MORN1: variants seen among roughly 807,000 people sequenced by gnomAD.
MORN1 encodes the protein MORN repeat containing 1.
A neutral mutation model predicts 61.9 loss-of-function variants in MORN1; 67 were observed. The observed-to-expected ratio is 1.08, with a 90% CI of 0.89 to 1.33. The LOEUF is 1.33. Ranked by LOEUF, MORN1 falls within the 40% of genes most tolerant of loss-of-function variation. The pLI is 0.00. For synonymous variants in MORN1, 301 were observed against 292.0 expected, an observed-to-expected ratio of 1.03 and a Z score of -0.31; for missense variants, 752 against 691.2, an observed-to-expected ratio of 1.09 and a Z score of -0.99.
In MORN1 at chr1:2,380,748, G is replaced by T. The variant is rs191876100; in HGVS notation, c.537+4230C>A. Among the ~76,000 whole-genome samples, 29 of 152,224 alleles carry T rather than the reference G, an allele frequency of 1.9e-4. No homozygotes were observed. In the East Asian group the frequency reaches 5.2e-3, roughly 27 times the overall value. On this transcript the variant is annotated intron_variant, in intron 6 of 13. Transcript: ENST00000378531. The stretch of plus-strand genomic sequence containing the variant: ...TTAAAACTTCTTTTGTAGAGACAGG[G>T]TCTCCCTGTGTTGCCCAGGCTGGTC...
Position 2,336,717 on chromosome 1 carries a change from C to G in MORN1, c.1170G>C (p.Lys390Asn), listed in dbSNP as rs561543765. The change falls in exon 11 of 14, where the codon AAG becomes AAC. Residue 390 changes from lysine (K) to asparagine (N), a missense_variant and splice_region_variant. Transcript: ENST00000378531. ...CTCCCCGCCCCCCGTGGGCACCCAC[C>G]TTGTGGAGGCTGTCCAGGAACAGGA... ...HPFLFLDSLH[K>N]KAGGRSRGGL... 8 of 1,563,540 alleles carry G rather than the reference C, an allele frequency of 5.1e-6. No individual in the cohort carries two copies. The highest frequency in any genetic ancestry group is 1.9e-5 in the Admixed American group (1 of 53,578).
intron 10 of MORN1, among the ~76,000 whole-genome samples, chr1:2,341,724 C>T (rs957288649): frequency 9.9e-5 from 15 of 151,872 alleles, no homozygotes; most frequent in Non-Finnish European, 1.6e-4. Context: ...AAAGAAAAGG[C>T]TAAAAGTCTG....
chr1:2,378,979 A>C (rs1480690950), intron 6 of MORN1: 1 of 469,352 alleles, frequency 2.1e-6, no homozygotes, highest in African/African-American at 2.0e-5. Flanking sequence ...CGTCAGAAGA[A>C]GCTGTAACAC....
chr1:2,330,277 T>C (rs1054814882), intron 12 of MORN1, among the ~76,000 whole-genome samples: 3 of 152,182 alleles, frequency 2.0e-5, no homozygotes, highest in African/African-American at 4.8e-5. Context: ...CCAACCCCGA[T>C]AGGCCCAGTG....
At chr1:2,390,066 G>C (rs1032205947) in intron 1 of MORN1, 70 bp from the exon 2 acceptor site, 6 of 1,439,120 alleles carry the variant, frequency 4.2e-6, no homozygotes, top group African/African-American at 2.8e-5. Context: ...AGTGCTGAAG[G>C]AGGGAGTGCA....
At chr1:2,322,555 A>G (rs1461971981) in intron 13 of MORN1, 2 of 983,464 alleles carry the variant, frequency 2.0e-6, no homozygotes, top group Admixed American at 1.3e-4. Context: ...CAGCTCCTTT[A>G]GAAAAAAAAA....
intron 12 of MORN1, among the ~76,000 whole-genome samples, chr1:2,331,757 C>A (rs1204303171): frequency 6.6e-6 from 1 of 152,172 alleles, no homozygotes; most frequent in African/African-American, 2.4e-5. Context: ...GCGCGTTTCT[C>A]CCGCATGCGC....
chr1:2,327,841 G>A (rs1641070042), intron 12 of MORN1, among the ~76,000 whole-genome samples: 1 of 152,282 alleles, frequency 6.6e-6, no homozygotes, highest in African/African-American at 2.4e-5. Flanking sequence ...GCCCTGACGG[G>A]TGAGGGCCGC....
Position 2,327,155 on chromosome 1 carries a change from G to C in MORN1, c.1251-3012C>G, listed in dbSNP as rs202146943. On this transcript the variant is annotated intron_variant, in intron 12 of 13. Transcript: ENST00000378531. ...ACAGAAACACAGAGACACAGAAACA[G>C]AAACACACAGACAGAAACAAACACA... Among the ~76,000 whole-genome samples, 14 of 90,582 alleles carry C rather than the reference G, an allele frequency of 1.5e-4. 1 individual carries two copies. The South Asian group carries it at 4.6e-3, about 30-fold the overall frequency. 59.4% of individuals were successfully genotyped at this position (90,582 alleles called of 152,430 possible). A position where few individuals can be genotyped will look rare whatever the true frequency, so the allele number is the denominator to read the frequency against.
intron 8 of MORN1, chr1:2,363,100 T>C (rs906698558): frequency 2.6e-5 from 4 of 152,144 alleles, no homozygotes; most frequent in Admixed American, 6.5e-5. Flanking sequence ...AAAACCTAAG[T>C]GGTCATTTAA....
At chr1:2,342,840 ATATTTTATTT>A (rs768672830) in intron 10 of MORN1, among the ~76,000 whole-genome samples, 10 of 101,996 alleles carry the variant, frequency 9.8e-5, no homozygotes, top group Middle Eastern at 4.5e-3. Flanking sequence ...ATTTTATTTT[ATATTTTATTT>A]TATTTTATTT....
intron 10 of MORN1, among the ~76,000 whole-genome samples, chr1:2,338,364 G>C (rs148528802): frequency 6.6e-6 from 1 of 152,124 alleles, no homozygotes; most frequent in Non-Finnish European, 1.5e-5. Flanking sequence ...ATTTACGTCC[G>C]GGGCAATGGC....
At chr1:2,390,495 C>T (rs966173623) in intron 1 of MORN1, 2 of 985,446 alleles carry the variant, frequency 2.0e-6, no homozygotes, top group Non-Finnish European at 2.4e-6. Flanking sequence ...TTCATCTCCT[C>T]CTAGTTGCTG....
rs1641281011 is a variant in MORN1 at position 2,336,457 on chromosome 1, G to A, written c.1250+12C>T. On this transcript the variant is annotated intron_variant, in intron 12 of 13. Transcript: ENST00000378531. ...CCTCCGAACACCTGCAGGTGGGGTG[G>A]GCTCATCCTACCTGCTGCCTCCAGG... The A allele has an allele frequency of 1.2e-6, 2 of 1,609,472 alleles. No individual in the cohort carries two copies. Among genetic ancestry groups the A allele is most frequent in the Non-Finnish European group, 1.7e-6 (2 of 1,178,070 alleles).
At chr1:2,332,740 C>G in intron 12 of MORN1, 1 of 456,516 alleles carries the variant, frequency 2.2e-6, no homozygotes, top group Non-Finnish European at 4.4e-6. Context: ...CCTTTGTTAG[C>G]TCCTGTTGGG....
In MORN1 at chr1:2,391,464, G is replaced by T; in HGVS notation, c.70C>A (p.Arg24=). The T allele has an allele frequency of 8.0e-7, 1 of 1,255,536 alleles. No individual in the cohort carries two copies. 77.8% of individuals were successfully genotyped at this position (1,255,536 alleles called of 1,614,324 possible). ...PRRDPPRRPP[R]NGYGVYVYPN... is the part of the protein sequence containing the mutation. Reference sequence around the variant, plus strand: ...CGTGGCCCGCAGTCGTTACCGTTCCGGGGCGGCCGCCTAGGCGGGTCCCGA... The same window carrying T: ...CGTGGCCCGCAGTCGTTACCGTTCCTGGGCGGCCGCCTAGGCGGGTCCCGA... The change falls in exon 1 of 14, where the codon CGG becomes AGG. Residue 24 remains arginine (R), a synonymous_variant. Transcript: ENST00000378531.
chr1:2,346,975 C>G (rs944671460), intron 10 of MORN1, among the ~76,000 whole-genome samples: 1 of 152,180 alleles, frequency 6.6e-6, no homozygotes, highest in Non-Finnish European at 1.5e-5. Context: ...TGTGGGTGCT[C>G]CCTTCCTCCT....
At position 2,329,319 on chromosome 1, in the gene MORN1, C is replaced by T. The variant is rs904332362; in HGVS notation, c.1251-5176G>A. Among the ~76,000 whole-genome samples, 4 of 152,344 alleles carry T rather than the reference C, an allele frequency of 2.6e-5. No individual in the cohort carries two copies. The East Asian group carries it at 5.8e-4, about 22-fold the overall frequency. ...ATCCCTGCTTGGACAAGACAGGGTT[C>T]ATTTTTCAACCTTTAAAAGTTTCTA... On this transcript the variant is annotated intron_variant, in intron 12 of 13. Transcript: ENST00000378531.
intron 10 of MORN1, among the ~76,000 whole-genome samples, chr1:2,353,383 G>A (rs924134432): frequency 2.6e-5 from 4 of 152,212 alleles, no homozygotes; most frequent in South Asian, 4.1e-4. Context: ...TAGGGCCTCC[G>A]TGCAGCTGGG....
Sources: allele counts gnomAD v4.1 joint callset (sites outside exome capture counted in the v4.1 genomes callset), GRCh38; gene constraint gnomAD v4.1.1; transcripts MANE v1.5; gene names NCBI Gene and HGNC (gene_info 2026-07-23, HGNC 2026-07-21).